NAT16: variants seen among roughly 807,000 people sequenced by gnomAD.
The protein encoded by NAT16 is probable N-acetyltransferase 16.
NAT16 carries 16 observed loss-of-function variants against 15.9 expected under a neutral mutation model. The ratio of observed to expected loss-of-function variants is 1.01; its 90% CI spans 0.68 to 1.53. NAT16 has a LOEUF of 1.53. NAT16 is among the 40% of genes most tolerant of loss of function. The probability of loss-of-function intolerance (pLI) is 0.00; values close to 1 mark genes in which losing one functional copy is unlikely to be tolerated. For missense variants in NAT16, 572 were observed against 508.4 expected, an observed-to-expected ratio of 1.13 and a Z score of -1.20; for synonymous variants, 260 against 241.9, an observed-to-expected ratio of 1.07 and a Z score of -0.69.
rs1797332694 is a variant in NAT16, at chr7:101,172,024, G to C, written c.*55C>G. 1 of 1,292,020 alleles carries C rather than the reference G, an allele frequency of 7.7e-7. No individual in the cohort carries two copies. Among genetic ancestry groups the C allele is most frequent in the Admixed American group, 2.1e-5 (1 of 48,546 alleles). The allele number at this position is 1,292,020 out of a possible 1,614,324, so 80.0% of individuals were successfully genotyped here. A position where few individuals can be genotyped will look rare whatever the true frequency, so the allele number is the denominator to read the frequency against. ...GAAATGGCAGGAAAGAGGCTGGCTGGGGAAACTGCGGAAGGGGGCGGGTCT... is the reference window on the plus strand; with the variant it reads ...GAAATGGCAGGAAAGAGGCTGGCTGCGGAAACTGCGGAAGGGGGCGGGTCT... On this transcript the variant is annotated 3_prime_UTR_variant, in exon 4 of 4. Coordinates refer to ENST00000300303, the MANE Select transcript of NAT16 (RefSeq NM_198571.3). This position sits in a 1 kb window ranked among gnomAD's most constrained non-coding sequence, Gnocchi z 4.2.
Position 101,173,377 on chromosome 7 carries a change from C to G in NAT16, c.456G>C (p.Pro152=). 1 of 1,614,048 alleles carries G rather than the reference C, an allele frequency of 6.2e-7. No homozygotes were observed. The highest frequency in any genetic ancestry group is 8.5e-7 in the Non-Finnish European group (1 of 1,180,006). Residue 152 remains proline (P), a synonymous_variant, in exon 3 of 4, where the codon CCG becomes CCC. Transcript: ENST00000300303. ...FCSQLVKRQH[P]GVKVARLTRD... ...GGGTGAGCCGTGCCACCTTGACCCC[C>G]GGGTGCTGTCTCTTGACCAGCTGCG...
chr7:101,172,045 G>A lies in NAT16; in HGVS notation c.*34C>T, dbSNP rs1797333424. 2.2e-5 allele frequency: 32 copies of A among 1,459,946 alleles called. No individual in the cohort carries two copies. The highest frequency in any genetic ancestry group is 2.9e-5 in the Non-Finnish European group (31 of 1,055,834). The allele number at this position is 1,459,946 out of a possible 1,614,324, so 90.4% of individuals were successfully genotyped here. On this transcript the variant is annotated 3_prime_UTR_variant, in exon 4 of 4. Transcript: ENST00000300303. This position sits in a 1 kb window ranked among gnomAD's most constrained non-coding sequence, Gnocchi z 4.2. ...GCTGGGGAAACTGCGGAAGGGGGCG[G>A]GTCTTTTTCCCCCTCCCCGCCAGAG...
rs376730970 is a variant in NAT16, at chr7:101,180,034, C to A, written c.-5+8G>T. 140 of 153,284 alleles carry A rather than the reference C, an allele frequency of 9.1e-4. 2 individuals carry two copies. The East Asian group carries it at 0.026, about 29-fold the overall frequency. 9.5% of individuals were successfully genotyped at this position (153,284 alleles called of 1,614,324 possible). A position where few individuals can be genotyped will look rare whatever the true frequency, so the allele number is the denominator to read the frequency against. ...CTCCCCAGTCCCCAGGCCCGGCCGC[C>A]CCCCTACCTCGCCGGAGCCGGAGCT... is the stretch of plus-strand genomic sequence containing the variant. On this transcript the variant is annotated splice_region_variant and intron_variant, in intron 1 of 3. Transcript: ENST00000300303.
chr7:101,175,833 G>A (rs906001309), intron 1 of NAT16, among the ~76,000 whole-genome samples: 2 of 151,344 alleles, frequency 1.3e-5, no homozygotes, highest in African/African-American at 4.9e-5. Context: ...GAAGTGGGAG[G>A]ATCGTTTGAG....
intron 1 of NAT16, among the ~76,000 whole-genome samples, chr7:101,177,638 C>A (rs1405001278): frequency 2.0e-5 from 3 of 152,194 alleles, no homozygotes; most frequent in Non-Finnish European, 4.4e-5. Flanking sequence ...AGGTGTGAGC[C>A]ACCATGCCCA....
At position 101,172,664 on chromosome 7, in the gene NAT16, C is replaced by A. The variant is rs931413495; in HGVS notation, c.538-13G>T. The A allele has an allele frequency of 2.0e-6, 3 of 1,476,816 alleles. No homozygotes were observed. The highest frequency in any genetic ancestry group is 4.9e-5 in the Admixed American group (2 of 40,438). 91.5% of individuals were successfully genotyped at this position (1,476,816 alleles called of 1,614,324 possible). On this transcript the variant is annotated splice_polypyrimidine_tract_variant and intron_variant, in intron 3 of 3. Transcript: ENST00000300303. The surrounding 1 kb of genome is among the most constrained non-coding windows in gnomAD (Gnocchi z 4.2). ...CCAAAAGGATGCCCTGCGGGGGGCA[C>A]GAGTGAGCGCGGGGAGGGGGGGCGC...
intron 2 of NAT16, 38 bp from the exon 3 acceptor site, chr7:101,173,558 C>T (rs1353225774): frequency 6.7e-7 from 1 of 1,494,728 alleles, no homozygotes; most frequent in Non-Finnish European, 8.9e-7. Flanking sequence ...CCCTCCCCGC[C>T]TGCGCCCCTG....
intron 1 of NAT16, among the ~76,000 whole-genome samples, chr7:101,175,152 AC>A (rs909005436): frequency 6.6e-6 from 1 of 151,978 alleles, no homozygotes; most frequent in Non-Finnish European, 1.5e-5. Context: ...ACGGAGCTTC[AC>A]CATGTTGTCC....
chr7:101,179,839 A>C (rs1797553641), intron 1 of NAT16, among the ~76,000 whole-genome samples: 1 of 129,626 alleles, frequency 7.7e-6, no homozygotes, highest in African/African-American at 2.9e-5. Flanking sequence ...ACATGGCAAC[A>C]GAGGGGGGCG....
rs765594961 is a variant in NAT16, at chr7:101,174,647, T to C, written c.161A>G (p.Asp54Gly). 6.2e-6 allele frequency: 10 copies of C among 1,613,752 alleles called. No individual in the cohort carries two copies. In the African/African-American group the frequency reaches 1.1e-4, roughly 17 times the overall value. Residue 54 changes from aspartate to glycine, a missense_variant, in exon 2 of 4, where the codon GAC becomes GGC. Physicochemically the swap from Asp to Gly is moderately conservative, Grantham distance 94 (BLOSUM62 -1). Transcript: ENST00000300303. Reference sequence around the variant, plus strand: ...CTCCCGTTCCGTGGCCACCACGAAGTCCAATGGCTCGGCCTCAGCCTCAGG... The same window carrying C: ...CTCCCGTTCCGTGGCCACCACGAAGCCCAATGGCTCGGCCTCAGCCTCAGG... ...SGPEAEAEPL[D>G]FVVATEREFE...
At chr7:101,176,772 C>G (rs1797477384) in intron 1 of NAT16, among the ~76,000 whole-genome samples, 1 of 152,192 alleles carries the variant, frequency 6.6e-6, no homozygotes, top group Admixed American at 6.5e-5. Flanking sequence ...AATCCCCCCT[C>G]TCTCTTTCAG....
At position 101,172,472 on chromosome 7, in the gene NAT16, G is replaced by T. The variant is rs773080054; in HGVS notation, c.717C>A (p.Gly239=). The T allele has an allele frequency of 4.8e-5, 76 of 1,599,882 alleles. No individual in the cohort carries two copies. Among genetic ancestry groups the T allele is most frequent in the Admixed American group, 6.7e-5 (4 of 59,310 alleles). Reference sequence around the variant, plus strand: ...GCTGCCAGTCCTGGATGATGGTCCCGCCTGGAAGCACGTCGCGCTGCACGG... The same window carrying T: ...GCTGCCAGTCCTGGATGATGGTCCCTCCTGGAAGCACGTCGCGCTGCACGG... ...SPSVQRDVLP[G]GTIIQDWQPY... Residue 239 remains glycine (G), a synonymous_variant, in exon 4 of 4, where the codon GGC becomes GGA. Coordinates refer to ENST00000300303, the MANE Select transcript of NAT16 (RefSeq NM_198571.3). The surrounding 1 kb of genome is among the most constrained non-coding windows in gnomAD (Gnocchi z 4.2).
rs926591689 is a variant in NAT16 at position 101,171,942 on chromosome 7, G to C, written c.*137C>G. 1.6e-6 allele frequency: 1 copy of C among 631,728 alleles called. No individual in the cohort carries two copies. Among genetic ancestry groups the C allele is most frequent in the African/African-American group, 1.9e-5 (1 of 53,862 alleles). 39.1% of individuals were successfully genotyped at this position (631,728 alleles called of 1,614,324 possible). A position where few individuals can be genotyped will look rare whatever the true frequency, so the allele number is the denominator to read the frequency against. On this transcript the variant is annotated 3_prime_UTR_variant, in exon 4 of 4. Coordinates refer to ENST00000300303, the MANE Select transcript of NAT16 (RefSeq NM_198571.3). ...AAAGGGACAGAGTGGGGGGACCTGC[G>C]CCGGTAAGGGCAGGAGGGCAGGAGT...
At chr7:101,178,890 A>AAAAAAAAAAAAC (rs1797529354) in intron 1 of NAT16, among the ~76,000 whole-genome samples, 1 of 26,578 alleles carries the variant, frequency 3.8e-5, no homozygotes, top group Non-Finnish European at 7.2e-5. Flanking sequence ...AAACGCTGTC[A>AAAAAAAAAAAAC]AAAAAAAAAA....
intron 1 of NAT16, among the ~76,000 whole-genome samples, chr7:101,176,957 G>A (rs1027790917): frequency 6.6e-6 from 1 of 152,090 alleles, no homozygotes; most frequent in Non-Finnish European, 1.5e-5. Flanking sequence ...GACCAGCAGT[G>A]GGACCAAGGA....
chr7:101,173,246 A>G (rs2009973), intron 3 of NAT16, 50 bp downstream of exon 3: 1,397,105 of 1,518,864 alleles, frequency 0.92, 643,063 homozygotes, highest in African/African-American at 0.98. Flanking sequence ...GGGTCTCCCC[A>G]TATGCCCCAG....
rs758649417 is a variant in NAT16 at position 101,174,598 on chromosome 7, C to T, written c.210G>A (p.Ser70=). ...EREFEEVLAI[S]GGIYGGLDYL... ...AGTCCAGGCCGCCGTAGATGCCCCC[C>T]GAGATGGCCAGCACTTCCTCAAACT... The change falls in exon 2 of 4, where the codon TCG becomes TCA. Residue 70 remains serine, a synonymous_variant. Transcript: ENST00000300303. 1 of 1,614,224 alleles carries T rather than the reference C, an allele frequency of 6.2e-7. No homozygotes were observed. Among genetic ancestry groups the T allele is most frequent in the South Asian group, 1.1e-5 (1 of 91,088 alleles).
At chr7:101,176,806 T>A (rs1178589269) in intron 1 of NAT16, among the ~76,000 whole-genome samples, 1 of 152,176 alleles carries the variant, frequency 6.6e-6, no homozygotes, top group Non-Finnish European at 1.5e-5. Flanking sequence ...TCACCTCAGA[T>A]AACCTACGTT....
intron 3 of NAT16, 74 bp downstream of exon 3, chr7:101,173,222 G>T: frequency 7.5e-7 from 1 of 1,333,346 alleles, no homozygotes; most frequent in Non-Finnish European, 1.1e-6. Flanking sequence ...CCCGTGTTCT[G>T]CTGGGGGTGG....
Sources: gnomAD v4.1 joint callset for allele counts (sites outside exome capture counted in the v4.1 genomes callset) on GRCh38, gnomAD v4.1.1 for gene constraint, Gnocchi (gnomAD v3.1) non-coding constraint, MANE v1.5 for transcripts, NCBI Gene and HGNC (gene_info 2026-07-23, HGNC 2026-07-21) for gene names.